The following FMN2 variants were observed in gnomAD, a reference collection of about 807,000 sequenced individuals.
FMN2 encodes the protein formin 2.
Under a neutral mutation model 142.3 loss-of-function variants are expected in FMN2, and 51 were observed. The observed-to-expected ratio is 0.36, with a 90% CI of 0.29 to 0.45. The LOEUF (loss-of-function observed/expected upper bound fraction) is 0.45. Among genes scored for constraint, FMN2 ranks in the 20% least tolerant of loss-of-function variants. FMN2 has a pLI of 1.00. For missense variants in FMN2, 1,936 were observed against 2,122.8 expected, an observed-to-expected ratio of 0.91 and a Z score of 1.73; for synonymous variants, 882 against 869.8, an observed-to-expected ratio of 1.01 and a Z score of -0.25.
At chr1:240,393,532 A>C (rs1479738443) in intron 15 of FMN2, among the ~76,000 whole-genome samples, 2 of 152,144 alleles carry the variant, frequency 1.3e-5, no homozygotes, top group Non-Finnish European at 2.9e-5. Context: ...AAATTAGGCC[A>C]ATTAATTACC....
chr1:240,238,319 G>A (rs2102862376), intron 6 of FMN2, among the ~76,000 whole-genome samples: 1 of 152,238 alleles, frequency 6.6e-6, no homozygotes, highest in Middle Eastern at 3.4e-3. Context: ...ATGAAAACTT[G>A]AAATATGTTT....
At chr1:240,183,769 G>A (rs543410844) in intron 3 of FMN2, among the ~76,000 whole-genome samples, 1 of 152,060 alleles carries the variant, frequency 6.6e-6, no homozygotes, top group Admixed American at 6.5e-5. Context: ...GAAAGACATG[G>A]TATATCAGAA....
intron 6 of FMN2, among the ~76,000 whole-genome samples, chr1:240,230,741 C>A (rs2102846240): frequency 7.6e-6 from 1 of 132,028 alleles, no homozygotes; most frequent in South Asian, 2.3e-4. Context: ...TTACTTGCAG[C>A]TCCTTTTACT....
intron 2 of FMN2, among the ~76,000 whole-genome samples, chr1:240,138,542 A>G (rs1198585653): frequency 1.3e-5 from 2 of 151,992 alleles, no homozygotes; most frequent in Admixed American, 6.6e-5. Flanking sequence ...TCTACTAAAA[A>G]AAAAAAATAC....
intron 3 of FMN2, 91 bp from the exon 4 acceptor site, chr1:240,188,116 G>T: frequency 7.9e-7 from 1 of 1,258,230 alleles, no homozygotes. Context: ...TATGGTTAAT[G>T]ATATATTTTA....
In FMN2 at chr1:240,334,213, G is replaced by A. The variant is rs1671485621; in HGVS notation, c.4749G>A (p.Leu1583=). The A allele has an allele frequency of 6.2e-7, 1 of 1,601,214 alleles. No individual in the cohort carries two copies. Among genetic ancestry groups the A allele is most frequent in the African/African-American group, 1.3e-5 (1 of 74,230 alleles). Residue 1583 remains leucine (L), a synonymous_variant, in exon 13 of 18, where the codon CTG becomes CTA. Coordinates refer to ENST00000319653, the MANE Select transcript of FMN2 (RefSeq NM_020066.5). ...FEDFQKDLRK[L]KKDLKACEVE... is the part of the protein sequence containing the mutation. ...ATTTTCAAAAAGATCTCAGAAAACTGAAGAAAGACTTGAAAGGTAACTTAA... is the reference window on the plus strand; with the variant it reads ...ATTTTCAAAAAGATCTCAGAAAACTAAAGAAAGACTTGAAAGGTAACTTAA...
At chr1:240,460,195 A>T (rs76834671) in intron 16 of FMN2, among the ~76,000 whole-genome samples, 8 of 152,214 alleles carry the variant, frequency 5.3e-5, no homozygotes, top group African/African-American at 1.7e-4. Flanking sequence ...CAATTATTCA[A>T]TAGAACTTCT....
chr1:240,343,101 A>G (rs1671796374), intron 13 of FMN2, among the ~76,000 whole-genome samples: 1 of 152,188 alleles, frequency 6.6e-6, no homozygotes, highest in South Asian at 2.1e-4. Flanking sequence ...GTATATATCT[A>G]ACAGATATAA....
intron 2 of FMN2, among the ~76,000 whole-genome samples, chr1:240,147,055 G>A (rs766590785): frequency 6.6e-6 from 1 of 152,130 alleles, no homozygotes; most frequent in African/African-American, 2.4e-5. Context: ...TTAGTTGGCC[G>A]GAGTGGAGGA....
chr1:240,149,273 CATACAG>C (rs1663663320), intron 2 of FMN2, among the ~76,000 whole-genome samples: 1 of 152,172 alleles, frequency 6.6e-6, no homozygotes, highest in Non-Finnish European at 1.5e-5. Flanking sequence ...ATGTAATGCA[CATACAG>C]ATACAGATAA....
intron 15 of FMN2, among the ~76,000 whole-genome samples, chr1:240,404,060 A>G (rs1225797474): frequency 6.6e-6 from 1 of 152,234 alleles, no homozygotes; most frequent in Non-Finnish European, 1.5e-5. Flanking sequence ...AATGAGTTGA[A>G]ATGGAAAATT....
chr1:240,408,866 C>G (rs935423900), intron 15 of FMN2, among the ~76,000 whole-genome samples: 13 of 151,824 alleles, frequency 8.6e-5, no homozygotes, highest in Middle Eastern at 3.4e-3. Context: ...AACAAAACAC[C>G]AGTGCCTTAT....
rs150699975 is a variant in FMN2 at position 240,162,688 on chromosome 1, A to G, written c.1783-15233A>G. On this transcript the variant is annotated intron_variant, in intron 2 of 17. Coordinates refer to ENST00000319653, the MANE Select transcript of FMN2 (RefSeq NM_020066.5). ...GTTATTTGTATCAATACTTGATTAT[A>G]CTTGCCAGAGGTTTTTAATATTATT... Among the ~76,000 whole-genome samples, 548 of 152,200 alleles carry G rather than the reference A, an allele frequency of 3.6e-3. 4 individuals carry two copies. Among genetic ancestry groups the G allele is most frequent in the African/African-American group, 0.013 (521 of 41,544 alleles).
At chr1:240,385,302 C>T (rs1024592183) in intron 14 of FMN2, among the ~76,000 whole-genome samples, 5 of 152,140 alleles carry the variant, frequency 3.3e-5, no homozygotes, top group Admixed American at 6.5e-5. Flanking sequence ...AAAGGCTCAA[C>T]GAGGTTTTCG....
chr1:240,371,332 C>G (rs886171349), intron 14 of FMN2, among the ~76,000 whole-genome samples: 3 of 152,064 alleles, frequency 2.0e-5, no homozygotes, highest in African/African-American at 7.2e-5. Context: ...CATATTTTTT[C>G]ATGGTTAAGT....
intron 8 of FMN2, among the ~76,000 whole-genome samples, chr1:240,304,791 A>C (rs1244885811): frequency 2.0e-5 from 3 of 152,186 alleles, no homozygotes; most frequent in Non-Finnish European, 2.9e-5. Context: ...GGCTGTGTGC[A>C]GGTTGCTCCA....
In FMN2 at chr1:240,194,074, T is replaced by G. The variant is rs187845251; in HGVS notation, c.1986+5812T>G. ...TTTGTTTTTTGTTGTTGTTGTTGTT[T>G]TTTTAATCTTTAGGATCCTTCATAT... is the stretch of plus-strand genomic sequence containing the variant. On this transcript the variant is annotated intron_variant, in intron 4 of 17. Transcript: ENST00000319653. Among the ~76,000 whole-genome samples, 671 of 152,286 alleles carry G rather than the reference T, an allele frequency of 4.4e-3. 2 individuals are homozygous for G. Among genetic ancestry groups the G allele is most frequent in the South Asian group, 0.02 (98 of 4,828 alleles).
rs1185408892 is a variant in FMN2, at chr1:240,159,974, T to TACACACACAC, written c.1783-17931_1783-17922dup. Among the ~76,000 whole-genome samples the TACACACACAC allele has an allele frequency of 3.3e-3, 436 of 134,064 alleles. 5 individuals carry two copies. The highest frequency in any genetic ancestry group is 0.012 in the African/African-American group (412 of 35,490). 88.0% of individuals were successfully genotyped at this position (134,064 alleles called of 152,430 possible). ...ATCTATATCTGTGTATATATATATA[T>TACACACACAC]ACACACACACACACACACACACACA... On this transcript the variant is annotated intron_variant, in intron 2 of 17. Coordinates refer to ENST00000319653, the MANE Select transcript of FMN2 (RefSeq NM_020066.5).
Position 240,123,338 on chromosome 1 carries a change from C to G in FMN2, c.1775C>G (p.Ser592Trp). The G allele has an allele frequency of 6.2e-7, 1 of 1,613,516 alleles. No homozygotes were observed. Among genetic ancestry groups the G allele is most frequent in the Non-Finnish European group, 8.5e-7 (1 of 1,179,796 alleles). The stretch of plus-strand genomic sequence containing the variant: ...CAGAATGCCCAGACGAATGCAGCTT[C>G]GTTTGATGTAAGTAGGAGAATTCAC... ...CNQNAQTNAASFDQDQLYTWA... is the reference protein window; with the variant it reads ...CNQNAQTNAAWFDQDQLYTWA... Residue 592 changes from serine to tryptophan, a missense_variant, in exon 2 of 18, where the codon TCG (serine) becomes TGG (tryptophan). Physicochemically the swap from Ser to Trp is radical, Grantham distance 177. This residue lies in a region of FMN2 where 478 missense variants were observed against 462.8 expected (regional missense o/e 1.03). Transcript: ENST00000319653.
Sources: gnomAD v4.1 joint callset for allele counts (sites outside exome capture counted in the v4.1 genomes callset) on GRCh38, gnomAD v4.1.1 for gene constraint, gnomAD v4.1.1 regional missense constraint, MANE v1.5 for transcripts, NCBI Gene and HGNC (gene_info 2026-07-23, HGNC 2026-07-21) for gene names.